The following RANBP17 variants were observed in gnomAD, a reference collection of about 807,000 sequenced individuals.
RANBP17 encodes the protein ran-binding protein 17.
In RANBP17, 158 loss-of-function variants were observed where a neutral mutation model predicts 141.2. The ratio of observed to expected loss-of-function variants is 1.12; its 90% CI spans 0.98 to 1.28. RANBP17 has a LOEUF of 1.28. RANBP17 is among the 50% of genes most tolerant of loss of function. The pLI, the probability that RANBP17 is intolerant of heterozygous loss-of-function variation, is 0.00. For missense variants in RANBP17, 1,438 were observed against 1,290.7 expected (o/e 1.11, Z -1.75); for synonymous variants, 430 against 450.0 (o/e 0.96, Z 0.56).
chr5:171,289,495 C>T (rs1475379588), intron 25 of RANBP17, among the ~76,000 whole-genome samples: 1 of 152,220 alleles, frequency 6.6e-6, no homozygotes, highest in East Asian at 1.9e-4. Flanking sequence ...CCCAGCACTT[C>T]GGGAGGCTGA....
At chr5:171,093,381 A>T (rs1033101869) in intron 14 of RANBP17, among the ~76,000 whole-genome samples, 1 of 152,170 alleles carries the variant, frequency 6.6e-6, no homozygotes, top group African/African-American at 2.4e-5. Flanking sequence ...AGTTACATTT[A>T]CTAAGTTGAT....
intron 1 of RANBP17, 101 bp from the exon 2 acceptor site, chr5:170,877,996 A>T: frequency 2.6e-6 from 2 of 774,074 alleles, no homozygotes; most frequent in Non-Finnish European, 3.8e-6. Context: ...GTATTGAATT[A>T]ATGAATACAC....
At chr5:171,156,284 T>C (rs1561712908) in intron 14 of RANBP17, among the ~76,000 whole-genome samples, 4 of 152,092 alleles carry the variant, frequency 2.6e-5, no homozygotes, top group African/African-American at 7.2e-5. Context: ...TTATGATTTT[T>C]AAAAGACTAT....
At chr5:170,935,902 A>G (rs955834580) in intron 12 of RANBP17, among the ~76,000 whole-genome samples, 2 of 152,204 alleles carry the variant, frequency 1.3e-5, no homozygotes, top group Admixed American at 6.5e-5. Context: ...GGTGGAGTCT[A>G]CAGAGGCAGG....
chr5:170,956,790 G>A (rs939922202), intron 13 of RANBP17, among the ~76,000 whole-genome samples: 1 of 150,114 alleles, frequency 6.7e-6, no homozygotes, highest in Non-Finnish European at 1.5e-5. Flanking sequence ...GGAAATAAAC[G>A]ACTGGGCGCA....
Position 170,924,437 on chromosome 5 carries a change from A to G in RANBP17, c.1355A>G (p.Glu452Gly), listed in dbSNP as rs747332849. The G allele has an allele frequency of 6.2e-7, 1 of 1,613,616 alleles. No homozygotes were observed. Among genetic ancestry groups the G allele is most frequent in the South Asian group, 1.1e-5 (1 of 91,060 alleles). The change falls in exon 12 of 28, where the codon GAA becomes GGA. Residue 452 changes from glutamate (E) to glycine (G), a missense_variant. Transcript: ENST00000523189. Reference protein sequence around the residue: ...LEQLCTVSRCEYEKTCALLVQ... With the variant: ...LEQLCTVSRCGYEKTCALLVQ... ...CAGTTGTGCACGGTCAGCAGATGTG[A>G]ATATGAAAAGACATGTGCTCTTCTT...
intron 14 of RANBP17, among the ~76,000 whole-genome samples, chr5:171,064,743 A>T (rs539968478): frequency 6.6e-6 from 1 of 151,828 alleles, no homozygotes; most frequent in Non-Finnish European, 1.5e-5. Context: ...CTGGTGTCGA[A>T]CTCTTGAGCT....
chr5:171,133,166 G>A (rs1165467600), intron 14 of RANBP17, among the ~76,000 whole-genome samples: 1 of 152,102 alleles, frequency 6.6e-6, no homozygotes, highest in Admixed American at 6.5e-5. Context: ...TTACAGGCTT[G>A]AGCCACCGCG....
At chr5:171,272,802 G>T (rs1767206425) in intron 25 of RANBP17, among the ~76,000 whole-genome samples, 2 of 151,400 alleles carry the variant, frequency 1.3e-5, no homozygotes, top group Non-Finnish European at 2.9e-5. Context: ...AAACAGATGG[G>T]CAGTGACCCA....
intron 20 of RANBP17, among the ~76,000 whole-genome samples, chr5:171,210,424 G>A (rs1371448031): frequency 6.6e-6 from 1 of 152,112 alleles, no homozygotes; most frequent in African/African-American, 2.4e-5. Flanking sequence ...ATCCCGTAGT[G>A]AATACTGTGT....
intron 14 of RANBP17, among the ~76,000 whole-genome samples, chr5:170,976,200 C>G (rs1424742070): frequency 2.0e-5 from 3 of 151,970 alleles, no homozygotes; most frequent in South Asian, 2.1e-4. Flanking sequence ...TGTGCACTTG[C>G]AATAAACAAC....
chr5:170,997,033 A>T (rs1293263342), intron 14 of RANBP17, among the ~76,000 whole-genome samples: 1 of 152,122 alleles, frequency 6.6e-6, no homozygotes, highest in African/African-American at 2.4e-5. Context: ...GATGGAGGTA[A>T]TTGGATCATG....
At chr5:170,894,447 A>G (rs1295688813) in intron 4 of RANBP17, among the ~76,000 whole-genome samples, 2 of 146,672 alleles carry the variant, frequency 1.4e-5, no homozygotes, top group Admixed American at 6.9e-5. Flanking sequence ...AAAGTTTATT[A>G]TATAATAGTA....
rs577898700 is a variant in RANBP17 at position 171,106,570 on chromosome 5, T to C, written c.1711-63560T>C. ...TGGAAGTAGTATTCATTAAACTAAA[T>C]ATTTTATTCTGTTGACTTGGTCAAT... On this transcript the variant is annotated intron_variant, in intron 14 of 27. Transcript: ENST00000523189. 9.8e-5 allele frequency among the ~76,000 whole-genome samples: 15 copies of C among 152,294 alleles called. No individual in the cohort carries two copies. In the South Asian group the frequency reaches 2.9e-3, roughly 29 times the overall value.
chr5:171,171,240 C>T lies in RANBP17; in HGVS notation c.1819C>T (p.Pro607Ser). 6.3e-7 allele frequency: 1 copy of T among 1,596,882 alleles called. No individual in the cohort carries two copies. Among genetic ancestry groups the T allele is most frequent in the African/African-American group, 1.3e-5 (1 of 74,310 alleles). Reference sequence around the variant, plus strand: ...CCTTAAATACTGGGGAAGATATGAGCCTGTAATTTCAAGGACTCTTCAGTT... The same window carrying T: ...CCTTAAATACTGGGGAAGATATGAGTCTGTAATTTCAAGGACTCTTCAGTT... ...TNLKYWGRYE[P>S]VISRTLQFLN... The change falls in exon 16 of 28, where the codon CCT (proline) becomes TCT (serine). Residue 607 changes from proline to serine, a missense_variant. Coordinates refer to ENST00000523189, the MANE Select transcript of RANBP17 (RefSeq NM_022897.5).
intron 14 of RANBP17, among the ~76,000 whole-genome samples, chr5:171,145,730 T>C (rs1272764013): frequency 1.3e-5 from 2 of 152,170 alleles, no homozygotes; most frequent in African/African-American, 2.4e-5. Context: ...CCAAAGTATA[T>C]GTCATGTCTC....
At chr5:171,230,489 A>G (rs1469508746) in intron 22 of RANBP17, among the ~76,000 whole-genome samples, 1 of 152,172 alleles carries the variant, frequency 6.6e-6, no homozygotes, top group Non-Finnish European at 1.5e-5. Flanking sequence ...GGCTGGGCAC[A>G]GTGACTCATG....
chr5:171,155,329 A>G (rs1184821407), intron 14 of RANBP17, among the ~76,000 whole-genome samples: 2 of 151,896 alleles, frequency 1.3e-5, no homozygotes, highest in South Asian at 4.1e-4. Flanking sequence ...GAAAGTAGCC[A>G]TAGAGAAAGT....
At chr5:171,074,013 C>T (rs1049363417) in intron 14 of RANBP17, among the ~76,000 whole-genome samples, 3 of 151,876 alleles carry the variant, frequency 2.0e-5, no homozygotes, top group Admixed American at 6.6e-5. Flanking sequence ...AAATACTATC[C>T]CCTTCTGGAG....
Sources: gnomAD v4.1 joint callset for allele counts (sites outside exome capture counted in the v4.1 genomes callset) on GRCh38, gnomAD v4.1.1 for gene constraint, MANE v1.5 for transcripts, NCBI Gene and HGNC (gene_info 2026-07-23, HGNC 2026-07-21) for gene names.